The following ZDHHC14 variants were observed in gnomAD, a reference collection of about 807,000 sequenced individuals.
ZDHHC14 encodes zDHHC palmitoyltransferase 14, also known as palmitoyltransferase ZDHHC14.
Under a neutral mutation model 47.7 loss-of-function variants are expected in ZDHHC14, and 16 were observed. The ratio of observed to expected loss-of-function variants is 0.34; its 90% CI spans 0.23 to 0.51. The LOEUF (loss-of-function observed/expected upper bound fraction) is 0.51. ZDHHC14 is among the 20% of genes least tolerant of loss of function. The pLI is 0.97. For synonymous variants in ZDHHC14, 293 were observed against 278.9 expected, an observed-to-expected ratio of 1.05 and a Z score of -0.50; for missense variants, 515 against 662.5, an observed-to-expected ratio of 0.78 and a Z score of 2.44.
At chr6:157,581,767 C>T (rs1248276173) in intron 2 of ZDHHC14, among the ~76,000 whole-genome samples, 1 of 151,978 alleles carries the variant, frequency 6.6e-6, no homozygotes, top group Non-Finnish European at 1.5e-5. Context: ...TTTCCATTTG[C>T]TTGGTAGATT....
chr6:157,610,540 G>C (rs1023549216), intron 3 of ZDHHC14, among the ~76,000 whole-genome samples: 26 of 152,172 alleles, frequency 1.7e-4, no homozygotes, highest in African/African-American at 6.0e-4. Flanking sequence ...CACATTTCAG[G>C]TTCCTGTCGG....
At chr6:157,612,261 G>T (rs994766169) in intron 3 of ZDHHC14, among the ~76,000 whole-genome samples, 1 of 152,144 alleles carries the variant, frequency 6.6e-6, no homozygotes, top group Non-Finnish European at 1.5e-5. Context: ...ACTGTGCAAA[G>T]GTCTCTCGGA....
chr6:157,672,279 C>G (rs956140897), intron 8 of ZDHHC14, among the ~76,000 whole-genome samples: 8 of 152,206 alleles, frequency 5.3e-5, no homozygotes, highest in African/African-American at 1.9e-4. Flanking sequence ...TTTTGACTTA[C>G]TATCAATAAC....
chr6:157,476,803 A>C (rs1162605741), intron 1 of ZDHHC14, among the ~76,000 whole-genome samples: 1 of 152,128 alleles, frequency 6.6e-6, no homozygotes, highest in Admixed American at 6.5e-5. Flanking sequence ...AAGGACAAAA[A>C]TCATCATCGC....
intron 3 of ZDHHC14, among the ~76,000 whole-genome samples, chr6:157,620,645 G>A (rs1336291160): frequency 6.6e-6 from 1 of 152,224 alleles, no homozygotes; most frequent in Non-Finnish European, 1.5e-5. Context: ...AGTCCCAAGG[G>A]ACCCTGGACA....
At chr6:157,455,731 A>G (rs751933915) in intron 1 of ZDHHC14, among the ~76,000 whole-genome samples, 54 of 152,110 alleles carry the variant, frequency 3.6e-4, no homozygotes, top group Non-Finnish European at 6.2e-4. Flanking sequence ...ACAGAATGTG[A>G]TCTTTCTTAC....
intron 1 of ZDHHC14, among the ~76,000 whole-genome samples, chr6:157,535,436 G>A (rs994832256): frequency 2.0e-5 from 3 of 152,174 alleles, no homozygotes; most frequent in Non-Finnish European, 4.4e-5. Context: ...ACAGAGAGAC[G>A]CGTGTGAAAA....
Position 157,572,634 on chromosome 6 carries a change from T to A in ZDHHC14, c.407-20354T>A, listed in dbSNP as rs555506610. Among the ~76,000 whole-genome samples, 215 of 126,324 alleles carry A rather than the reference T, an allele frequency of 1.7e-3. 1 individual carries two copies. The highest frequency in any genetic ancestry group is 3.2e-3 in the Non-Finnish European group (193 of 60,146). The allele number at this position is 126,324 out of a possible 152,430, so 82.9% of individuals were successfully genotyped here. A position where few individuals can be genotyped will look rare whatever the true frequency, so the allele number is the denominator to read the frequency against. ...GCATTAGGTATATCTCCTAATGCTA[T>A]CCCTCCCCCCGCCCCCCACCCCACA... On this transcript the variant is annotated intron_variant, in intron 2 of 8. Coordinates refer to ENST00000359775, the MANE Select transcript of ZDHHC14 (RefSeq NM_024630.3).
chr6:157,634,556 G>A (rs997829578), intron 5 of ZDHHC14, among the ~76,000 whole-genome samples: 3 of 152,198 alleles, frequency 2.0e-5, no homozygotes, highest in African/African-American at 7.2e-5. Context: ...CTAAAGAAAA[G>A]GCTTGCCTAA....
chr6:157,563,720 T>C (rs62423192), intron 2 of ZDHHC14, among the ~76,000 whole-genome samples: 83,756 of 152,124 alleles, frequency 0.55, 23,696 homozygotes, highest in African/African-American at 0.7. Context: ...AAGTCACGGA[T>C]TGCAGATGTC....
rs924250595 is a variant in ZDHHC14, at chr6:157,392,458, G to A, written c.245+10192G>A. 2.6e-5 allele frequency among the ~76,000 whole-genome samples: 4 copies of A among 152,132 alleles called. No homozygotes were observed. The South Asian group carries it at 8.3e-4, about 32-fold the overall frequency. On this transcript the variant is annotated intron_variant, in intron 1 of 8. Coordinates refer to ENST00000359775, the MANE Select transcript of ZDHHC14 (RefSeq NM_024630.3). ...GTATACAGCCCCCCGTGTGTTGGGG[G>A]GTTGTCTCTTAGACCGTATTCTTCC...
chr6:157,489,637 G>A (rs535400035), intron 1 of ZDHHC14, among the ~76,000 whole-genome samples: 2 of 152,300 alleles, frequency 1.3e-5, no homozygotes, highest in South Asian at 4.1e-4. Flanking sequence ...ATGTGACCCA[G>A]CCGCTCTCCA....
chr6:157,414,499 G>C (rs1164120655), intron 1 of ZDHHC14, among the ~76,000 whole-genome samples: 1 of 152,180 alleles, frequency 6.6e-6, no homozygotes, highest in African/African-American at 2.4e-5. Flanking sequence ...GGAGGAAGGG[G>C]AGCCTGAGGA....
intron 1 of ZDHHC14, among the ~76,000 whole-genome samples, chr6:157,504,738 G>A (rs893571131): frequency 7.9e-5 from 12 of 151,654 alleles, no homozygotes; most frequent in Admixed American, 2.6e-4. Flanking sequence ...AAAACTTATC[G>A]TCAGCAAAAA....
chr6:157,395,829 C>T (rs1435920004), intron 1 of ZDHHC14, among the ~76,000 whole-genome samples: 1 of 151,844 alleles, frequency 6.6e-6, no homozygotes, highest in African/African-American at 2.4e-5. Context: ...TCTTACTGTA[C>T]TGTGTCTGTT....
At chr6:157,480,414 T>G (rs1779599542) in intron 1 of ZDHHC14, among the ~76,000 whole-genome samples, 1 of 151,976 alleles carries the variant, frequency 6.6e-6, no homozygotes, top group Non-Finnish European at 1.5e-5. Flanking sequence ...ACCACAGGCA[T>G]GCACCACCAT....
chr6:157,506,828 A>C (rs17165379), intron 1 of ZDHHC14, among the ~76,000 whole-genome samples: 4,276 of 152,294 alleles, frequency 0.028, 177 homozygotes, highest in African/African-American at 0.097. Flanking sequence ...TGCTTGCATA[A>C]AGTATCCTAA....
intron 3 of ZDHHC14, among the ~76,000 whole-genome samples, chr6:157,616,646 G>A (rs1289970542): frequency 2.6e-5 from 4 of 152,160 alleles, no homozygotes. Context: ...AAGGGACAGA[G>A]GGATTGTGGA....
intron 1 of ZDHHC14, among the ~76,000 whole-genome samples, chr6:157,525,706 T>C (rs1232319815): frequency 6.6e-6 from 1 of 152,150 alleles, no homozygotes; most frequent in Non-Finnish European, 1.5e-5. Flanking sequence ...TACCGTATTG[T>C]GGAGTGACTC....
Sources: allele counts gnomAD v4.1 joint callset (sites outside exome capture counted in the v4.1 genomes callset), GRCh38; gene constraint gnomAD v4.1.1; transcripts MANE v1.5; gene names NCBI Gene and HGNC (gene_info 2026-07-23, HGNC 2026-07-21).